Variants in PNMA1 observed in about 807,000 individuals in gnomAD.
PNMA1 encodes the protein paraneoplastic antigen Ma1.
A neutral mutation model predicts 26.1 loss-of-function variants in PNMA1; 21 were observed. The observed-to-expected ratio is 0.80, with a 90% confidence interval of 0.57 to 1.16. The LOEUF is 1.16. PNMA1 is among the 50% of genes most tolerant of loss of function. PNMA1 has a pLI of 0.00. For synonymous variants in PNMA1, 189 were observed against 177.3 expected (o/e 1.07, Z -0.52); for missense variants, 435 against 437.3 (o/e 0.99, Z 0.05).
Position 73,712,806 on chromosome 14 carries a change from C to G in PNMA1, c.834G>C (p.Lys278Asn), listed in dbSNP as rs1335073474. ...TCACATTATCTTTATCAATGGCCCC[C>G]TTCTCTACCACCTTCTGTAGCAGAG... ...LEPLLQKVVE[K>N]GAIDKDNVNQ... Residue 278 changes from lysine to asparagine, a missense_variant, in exon 1 of 1, where the codon AAG becomes AAC. Lys to Asn is a moderately conservative substitution (Grantham distance 94). Transcript: ENST00000316836. 1.2e-6 allele frequency: 2 copies of G among 1,613,996 alleles called. No homozygotes were observed. Among genetic ancestry groups the G allele is most frequent in the East Asian group, 2.2e-5 (1 of 44,896 alleles).
At position 73,713,287 on chromosome 14, in the gene PNMA1, T is replaced by G. The variant is rs747820780; in HGVS notation, c.353A>C (p.Asp118Ala). The G allele has an allele frequency of 1.2e-6, 2 of 1,614,188 alleles. No homozygotes were observed. Among genetic ancestry groups the G allele is most frequent in the Non-Finnish European group, 1.7e-6 (2 of 1,180,040 alleles). ...CTGAAACCCAAGGACACGGGCAACATCTTGCACGGTCCACCCCTCTCTAGC... is the reference window on the plus strand; with the variant it reads ...CTGAAACCCAAGGACACGGGCAACAGCTTGCACGGTCCACCCCTCTCTAGC... ...FLAREGWTVQDVARVLGFQNP... is the reference protein window; with the variant it reads ...FLAREGWTVQAVARVLGFQNP... Residue 118 changes from aspartate (D) to alanine (A), a missense_variant, in exon 1 of 1, where the codon GAT becomes GCT. Coordinates refer to ENST00000316836, the MANE Select transcript of PNMA1 (RefSeq NM_006029.5).
chr14:73,712,496 CAG>C lies in PNMA1; in HGVS notation c.*80_*81del, dbSNP rs2052826641. The C allele has an allele frequency of 1.0e-6, 1 of 955,936 alleles. No individual in the cohort carries two copies. Among genetic ancestry groups the C allele is most frequent in the South Asian group, 1.6e-5 (1 of 63,988 alleles). The allele number at this position is 955,936 out of a possible 1,614,324, so 59.2% of individuals were successfully genotyped here. The stretch of plus-strand genomic sequence containing the variant: ...AGAACAAGGCTAAGCCTTTACTACT[CAG>C]AGACACATCTGTAAGACCCCACAGG... On this transcript the variant is annotated 3_prime_UTR_variant, in exon 1 of 1. Coordinates refer to ENST00000316836, the MANE Select transcript of PNMA1 (RefSeq NM_006029.5).
Position 73,713,513 on chromosome 14 carries a change from T to C in PNMA1, c.127A>G (p.Met43Val). The C allele has an allele frequency of 6.2e-7, 1 of 1,614,208 alleles. No individual in the cohort carries two copies. Among genetic ancestry groups the C allele is most frequent in the Non-Finnish European group, 8.5e-7 (1 of 1,180,032 alleles). Reference protein sequence around the residue: ...AEIEETLQAAMPQVSYRMLGR... With the variant: ...AEIEETLQAAVPQVSYRMLGR... ...AGCATTCGGTAGGAGACCTGGGGCA[T>C]CGCAGCCTGGAGGGTCTCTTCGATT... is the stretch of plus-strand genomic sequence containing the variant. The change falls in exon 1 of 1, where the codon ATG becomes GTG. Residue 43 changes from methionine (M) to valine (V), a missense_variant. Coordinates refer to ENST00000316836, the MANE Select transcript of PNMA1 (RefSeq NM_006029.5).
rs2140081404 is a variant in PNMA1, at chr14:73,713,737, G to A, written c.-98C>T. 3 of 1,136,572 alleles carry A rather than the reference G, an allele frequency of 2.6e-6. No individual in the cohort carries two copies. Among genetic ancestry groups the A allele is most frequent in the East Asian group, 4.7e-5 (2 of 42,452 alleles). The allele number at this position is 1,136,572 out of a possible 1,614,324, so 70.4% of individuals were successfully genotyped here. ...CCAGACACTCCCACCAAGTAGGCCC[G>A]AGGGAGGCGACCTTCATGCAGTCAC... On this transcript the variant is annotated 5_prime_UTR_variant, in exon 1 of 1. Coordinates refer to ENST00000316836, the MANE Select transcript of PNMA1 (RefSeq NM_006029.5).
At position 73,713,815 on chromosome 14, in the gene PNMA1, C is replaced by T. The variant is rs2052843419; in HGVS notation, c.-176G>A. ...GCCCTTCTCTGCCCCCACAGTCAGT[C>T]CGTAGGTGCACTCGGAGCCGAGCTC... is the stretch of plus-strand genomic sequence containing the variant. On this transcript the variant is annotated 5_prime_UTR_variant, in exon 1 of 1. Transcript: ENST00000316836. 2 of 583,808 alleles carry T rather than the reference C, an allele frequency of 3.4e-6. 1 individual carries two copies. The highest frequency in any genetic ancestry group is 5.6e-5 in the South Asian group (2 of 35,888). The allele number at this position is 583,808 out of a possible 1,614,324, so 36.2% of individuals were successfully genotyped here.
rs1459551548 is a variant in PNMA1 at position 73,714,336 on chromosome 14, G to C, written c.-697C>G. The C allele has an allele frequency of 6.1e-6, 1 of 163,200 alleles. No homozygotes were observed. The highest frequency in any genetic ancestry group is 1.5e-5 in the Non-Finnish European group (1 of 68,072). The allele number at this position is 163,200 out of a possible 1,614,324, so 10.1% of individuals were successfully genotyped here. A position where few individuals can be genotyped will look rare whatever the true frequency, so the allele number is the denominator to read the frequency against. ...CCCGCAGCGGTTCAGGCGCTGCGCG[G>C]CTGCTCTGGCGTCCAGTCCTACCCG... On this transcript the variant is annotated 5_prime_UTR_variant, in exon 1 of 1. Coordinates refer to ENST00000316836, the MANE Select transcript of PNMA1 (RefSeq NM_006029.5).
In PNMA1 at chr14:73,712,690, GGCCCTTCCCCA is replaced by G. The variant is rs1595240832; in HGVS notation, c.939_949del (p.Gly314SerfsTer13). On this transcript the variant is annotated frameshift_variant, in exon 1 of 1. Coordinates refer to ENST00000316836, the MANE Select transcript of PNMA1 (RefSeq NM_006029.5). LOFTEE classifies it high-confidence loss of function. ...CAGCAACTGAAAGAGGTTTGGGGCT[GGCCCTTCCCCA>G]GCCCCGGTAAGCCACAGCTGCCTTC... 6.2e-7 allele frequency: 1 copy of G among 1,613,858 alleles called. No homozygotes were observed. Among genetic ancestry groups the G allele is most frequent in the Non-Finnish European group, 8.5e-7 (1 of 1,179,922 alleles).
At position 73,712,499 on chromosome 14, in the gene PNMA1, A is replaced by T; in HGVS notation, c.*79T>A. ...ACAAGGCTAAGCCTTTACTACTCAG[A>T]GACACATCTGTAAGACCCCACAGGG... On this transcript the variant is annotated 3_prime_UTR_variant, in exon 1 of 1. Coordinates refer to ENST00000316836, the MANE Select transcript of PNMA1 (RefSeq NM_006029.5). The T allele has an allele frequency of 1.0e-6, 1 of 974,178 alleles. No homozygotes were observed. The highest frequency in any genetic ancestry group is 1.5e-6 in the Non-Finnish European group (1 of 649,732). The allele number at this position is 974,178 out of a possible 1,614,324, so 60.3% of individuals were successfully genotyped here.
In PNMA1 at chr14:73,712,449, C is replaced by T. The variant is rs2052826183; in HGVS notation, c.*129G>A. ...TGAATACTCAGGCCTGACTAACCTT[C>T]CCCTCCAAAAAACAACAAAACAGAA... On this transcript the variant is annotated 3_prime_UTR_variant, in exon 1 of 1. Coordinates refer to ENST00000316836, the MANE Select transcript of PNMA1 (RefSeq NM_006029.5). 1 of 698,952 alleles carries T rather than the reference C, an allele frequency of 1.4e-6. No homozygotes were observed. Among genetic ancestry groups the T allele is most frequent in the East Asian group, 2.5e-5 (1 of 40,196 alleles). The allele number at this position is 698,952 out of a possible 1,614,324, so 43.3% of individuals were successfully genotyped here.
rs758323800 is a variant in PNMA1 at position 73,712,762 on chromosome 14, T to A, written c.878A>T (p.Gln293Leu). 15 of 1,614,086 alleles carry A rather than the reference T, an allele frequency of 9.3e-6. No homozygotes were observed. In the African/African-American group the frequency reaches 1.9e-4, roughly 20 times the overall value. The change falls in exon 1 of 1, where the codon CAG becomes CTG. Residue 293 changes from glutamine (Q) to leucine (L), a missense_variant. Physicochemically the swap from Gln to Leu is moderately radical, Grantham distance 113. Coordinates refer to ENST00000316836, the MANE Select transcript of PNMA1 (RefSeq NM_006029.5). ...KDNVNQARLE[Q>L]VIAGANHSGA... ...GCTGTGGTTGGCCCCGGCAATGACC[T>A]GCTCTAGGCGGGCCTGGTTCACATT...
In PNMA1 at chr14:73,711,866, T is replaced by C. The variant is rs148039905; in HGVS notation, c.*712A>G. Reference sequence around the variant, plus strand: ...AACAAGAACTATTCTCTGACAAAGATGTGAAATGGGGGAGTGAATTACTGT... The same window carrying C: ...AACAAGAACTATTCTCTGACAAAGACGTGAAATGGGGGAGTGAATTACTGT... On this transcript the variant is annotated 3_prime_UTR_variant, in exon 1 of 1. Transcript: ENST00000316836. The C allele has an allele frequency of 5.9e-5, 9 of 152,354 alleles. No individual in the cohort carries two copies. The highest frequency in any genetic ancestry group is 2.2e-4 in the African/African-American group (9 of 41,582). The allele number at this position is 152,354 out of a possible 1,614,324, so 9.4% of individuals were successfully genotyped here.
chr14:73,712,411 T>C lies in PNMA1; in HGVS notation c.*167A>G. On this transcript the variant is annotated 3_prime_UTR_variant, in exon 1 of 1. Coordinates refer to ENST00000316836, the MANE Select transcript of PNMA1 (RefSeq NM_006029.5). ...GTTCACGGTGCTCGCTGGCACAATT[T>C]TAGAATGTTACATGAATACTCAGGC... 3.3e-6 allele frequency: 2 copies of C among 606,628 alleles called. No homozygotes were observed. Among genetic ancestry groups the C allele is most frequent in the Non-Finnish European group, 5.8e-6 (2 of 346,466 alleles). 37.6% of individuals were successfully genotyped at this position (606,628 alleles called of 1,614,324 possible).
chr14:73,712,393 G>C lies in PNMA1; in HGVS notation c.*185C>G, dbSNP rs918791166. 2 of 567,938 alleles carry C rather than the reference G, an allele frequency of 3.5e-6. No individual in the cohort carries two copies. Among genetic ancestry groups the C allele is most frequent in the African/African-American group, 3.7e-5 (2 of 54,432 alleles). 35.2% of individuals were successfully genotyped at this position (567,938 alleles called of 1,614,324 possible). A position where few individuals can be genotyped will look rare whatever the true frequency, so the allele number is the denominator to read the frequency against. On this transcript the variant is annotated 3_prime_UTR_variant, in exon 1 of 1. Coordinates refer to ENST00000316836, the MANE Select transcript of PNMA1 (RefSeq NM_006029.5). ...CCCGCTTGCATTGCAGTCGTTCACGGTGCTCGCTGGCACAATTTTAGAATG... is the reference window on the plus strand; with the variant it reads ...CCCGCTTGCATTGCAGTCGTTCACGCTGCTCGCTGGCACAATTTTAGAATG...
Position 73,713,725 on chromosome 14 carries a change from C to A in PNMA1, c.-86G>T. On this transcript the variant is annotated 5_prime_UTR_variant, in exon 1 of 1. Transcript: ENST00000316836. ...CTTAGAACAATACCAGACACTCCCACCAAGTAGGCCCGAGGGAGGCGACCT... is the reference window on the plus strand; with the variant it reads ...CTTAGAACAATACCAGACACTCCCAACAAGTAGGCCCGAGGGAGGCGACCT... The A allele has an allele frequency of 7.7e-7, 1 of 1,298,142 alleles. No individual in the cohort carries two copies. Among genetic ancestry groups the A allele is most frequent in the Non-Finnish European group, 1.1e-6 (1 of 933,054 alleles). The allele number at this position is 1,298,142 out of a possible 1,614,324, so 80.4% of individuals were successfully genotyped here.
In PNMA1 at chr14:73,713,840, CG is replaced by C; in HGVS notation, c.-202del. Reference sequence around the variant, plus strand: ...CCGTAGGTGCACTCGGAGCCGAGCTCGGGGACGCTGAGGCAGTCACGCGGCC... The same window carrying C: ...CCGTAGGTGCACTCGGAGCCGAGCTCGGGACGCTGAGGCAGTCACGCGGCC... On this transcript the variant is annotated 5_prime_UTR_variant, in exon 1 of 1. Transcript: ENST00000316836. 1 of 490,662 alleles carries C rather than the reference CG, an allele frequency of 2.0e-6. No homozygotes were observed. 30.4% of individuals were successfully genotyped at this position (490,662 alleles called of 1,614,324 possible). A position where few individuals can be genotyped will look rare whatever the true frequency, so the allele number is the denominator to read the frequency against.
At position 73,714,191 on chromosome 14, in the gene PNMA1, C is replaced by G. The variant is rs1256777306; in HGVS notation, c.-552G>C. 1 of 167,970 alleles carries G rather than the reference C, an allele frequency of 6.0e-6. No homozygotes were observed. Among genetic ancestry groups the G allele is most frequent in the Non-Finnish European group, 1.4e-5 (1 of 69,510 alleles). 10.4% of individuals were successfully genotyped at this position (167,970 alleles called of 1,614,324 possible). On this transcript the variant is annotated 5_prime_UTR_variant, in exon 1 of 1. Coordinates refer to ENST00000316836, the MANE Select transcript of PNMA1 (RefSeq NM_006029.5). ...GGCTTCTTGGCGGGCGCGGGGACTC[C>G]TCTGGGCGGGCGGCGAGGACGGCCG...
chr14:73,713,359 G>A lies in PNMA1; in HGVS notation c.281C>T (p.Pro94Leu). 1 of 1,614,122 alleles carries A rather than the reference G, an allele frequency of 6.2e-7. No individual in the cohort carries two copies. Among genetic ancestry groups the A allele is most frequent in the East Asian group, 2.2e-5 (1 of 44,890 alleles). ...KGGVWKVLFKPPTSDAEFLER... is the reference protein window; with the variant it reads ...KGGVWKVLFKLPTSDAEFLER... ...TAAAAATTCAGCATCAGAAGTTGGG[G>A]GCTTAAATAACACTTTCCAGACCCC... Residue 94 changes from proline (P) to leucine (L), a missense_variant, in exon 1 of 1, where the codon CCC becomes CTC. Physicochemically the swap from Pro to Leu is moderately conservative, Grantham distance 98 (BLOSUM62 -3). Coordinates refer to ENST00000316836, the MANE Select transcript of PNMA1 (RefSeq NM_006029.5).
At position 73,712,818 on chromosome 14, in the gene PNMA1, C is replaced by T. The variant is rs774681255; in HGVS notation, c.822G>A (p.Lys274=). 6.2e-7 allele frequency: 1 copy of T among 1,613,998 alleles called. No homozygotes were observed. The highest frequency in any genetic ancestry group is 1.3e-5 in the African/African-American group (1 of 74,936). Residue 274 remains lysine, a synonymous_variant, in exon 1 of 1, where the codon AAG becomes AAA. Coordinates refer to ENST00000316836, the MANE Select transcript of PNMA1 (RefSeq NM_006029.5). ...YVIRLEPLLQ[K]VVEKGAIDKD... ...TATCAATGGCCCCCTTCTCTACCAC[C>T]TTCTGTAGCAGAGGCTCCAGACGAA...
Position 73,713,027 on chromosome 14 carries a change from T to C in PNMA1, c.613A>G (p.Ser205Gly), listed in dbSNP as rs779144171. The C allele has an allele frequency of 1.9e-6, 3 of 1,613,722 alleles. No individual in the cohort carries two copies. Among genetic ancestry groups the C allele is most frequent in the South Asian group, 1.1e-5 (1 of 91,068 alleles). The change falls in exon 1 of 1, where the codon AGT becomes GGT. Residue 205 changes from serine (S) to glycine (G), a missense_variant. Transcript: ENST00000316836. ...DVEKRRRLME[S>G]LRGPAADVIR... ...ACATCAGCGGCGGGGCCTCTAAGAC[T>C]CTCCATCAACCGCCGCCTCTTTTCT...
Sources: gnomAD v4.1 joint callset for allele counts on GRCh38, gnomAD v4.1.1 for gene constraint, MANE v1.5 for transcripts, NCBI Gene and HGNC (gene_info 2026-07-23, HGNC 2026-07-21) for gene names.